The following CNTN5 variants were observed in gnomAD, a reference collection of about 807,000 sequenced individuals.
The protein encoded by CNTN5 is contactin 5, also known as contactin-5.
CNTN5 carries 77 observed loss-of-function variants against 129.1 expected under a neutral mutation model. The ratio of observed to expected loss-of-function variants is 0.60; its 90% CI spans 0.50 to 0.72. The LOEUF (loss-of-function observed/expected upper bound fraction) is 0.72. Among genes scored for constraint, CNTN5 ranks in the 30% least tolerant of loss-of-function variants. The pLI is 0.00. For missense variants in CNTN5, 1,478 were observed against 1,328.8 expected (o/e 1.11, Z -1.75); for synonymous variants, 509 against 465.6 (o/e 1.09, Z -1.20).
At chr11:99,442,922 G>A (rs1232938946) in intron 2 of CNTN5, among the ~76,000 whole-genome samples, 2 of 152,208 alleles carry the variant, frequency 1.3e-5, no homozygotes, top group East Asian at 3.8e-4. Flanking sequence ...GGATGGCACT[G>A]TGATTGGCCA....
intron 3 of CNTN5, among the ~76,000 whole-genome samples, chr11:99,816,363 A>G (rs1018869523): frequency 6.6e-5 from 10 of 152,142 alleles, no homozygotes; most frequent in Non-Finnish European, 1.0e-4. Context: ...AATCTCTCTG[A>G]CGAACCTGCG....
At chr11:99,989,791 A>G (rs904106779) in intron 8 of CNTN5, among the ~76,000 whole-genome samples, 2 of 152,132 alleles carry the variant, frequency 1.3e-5, no homozygotes, top group Admixed American at 6.5e-5. Context: ...GAGAGAACTG[A>G]GTCTCATTCC....
chr11:99,429,395 C>G (rs1943268260), intron 2 of CNTN5, among the ~76,000 whole-genome samples: 1 of 152,090 alleles, frequency 6.6e-6, no homozygotes, highest in Non-Finnish European at 1.5e-5. Flanking sequence ...TTAAACTTCA[C>G]TTTTCTTGAT....
intron 3 of CNTN5, among the ~76,000 whole-genome samples, chr11:99,636,819 T>C (rs1339779815): frequency 6.6e-6 from 1 of 150,970 alleles, no homozygotes; most frequent in Non-Finnish European, 1.5e-5. Context: ...ATCAGGACGA[T>C]CCTGGCCAAC....
At chr11:99,638,621 C>G (rs372741337) in intron 3 of CNTN5, among the ~76,000 whole-genome samples, 1 of 152,144 alleles carries the variant, frequency 6.6e-6, no homozygotes, top group East Asian at 1.9e-4. Context: ...CCATTCCCAA[C>G]GGGAGAAATC....
intron 18 of CNTN5, 65 bp downstream of exon 18, chr11:100,271,306 T>A: frequency 8.5e-7 from 1 of 1,172,972 alleles, no homozygotes. Context: ...GTGAGTTGAA[T>A]TAACCATGAT....
chr11:99,987,685 A>G (rs1234312490), intron 8 of CNTN5, among the ~76,000 whole-genome samples: 2 of 152,006 alleles, frequency 1.3e-5, no homozygotes, highest in African/African-American at 4.8e-5. Flanking sequence ...CAAAATTGGG[A>G]ATGGGTAAAT....
At chr11:99,264,691 T>TA (rs1212052344) in intron 1 of CNTN5, among the ~76,000 whole-genome samples, 3 of 152,080 alleles carry the variant, frequency 2.0e-5, no homozygotes, top group Non-Finnish European at 2.9e-5. Flanking sequence ...TTAGATCTGT[T>TA]AAAAATCCTC....
At chr11:99,164,874 A>C (rs1283966754) in intron 1 of CNTN5, among the ~76,000 whole-genome samples, 1 of 152,208 alleles carries the variant, frequency 6.6e-6, no homozygotes, top group Admixed American at 6.5e-5. Flanking sequence ...AGTTAACATA[A>C]GATGAGAAAG....
At chr11:100,119,371 C>G (rs547738401) in intron 13 of CNTN5, among the ~76,000 whole-genome samples, 1 of 151,898 alleles carries the variant, frequency 6.6e-6, no homozygotes. Flanking sequence ...TTGCTATGCT[C>G]TTGTTGCTAT....
intron 1 of CNTN5, among the ~76,000 whole-genome samples, chr11:99,312,469 C>T (rs1284456698): frequency 6.6e-6 from 1 of 152,104 alleles, no homozygotes; most frequent in African/African-American, 2.4e-5. Context: ...GCATGACCTG[C>T]AAGAAATACA....
chr11:100,053,331 T>C (rs1943055831), intron 9 of CNTN5, among the ~76,000 whole-genome samples: 1 of 151,686 alleles, frequency 6.6e-6, no homozygotes. Context: ...GAAGAAAATA[T>C]GTGCAATATA....
At chr11:99,405,171 G>A (rs892208453) in intron 2 of CNTN5, among the ~76,000 whole-genome samples, 3 of 152,020 alleles carry the variant, frequency 2.0e-5, no homozygotes, top group Admixed American at 6.6e-5. Context: ...TGACCTTTGG[G>A]ATTTTAATTA....
chr11:99,953,414 A>G (rs1430198706), intron 7 of CNTN5, among the ~76,000 whole-genome samples: 1 of 152,210 alleles, frequency 6.6e-6, no homozygotes, highest in Non-Finnish European at 1.5e-5. Context: ...AAATGTTCTC[A>G]CTACCAAAAT....
Position 99,864,445 on chromosome 11 carries a change from G to A in CNTN5, c.577+19183G>A, listed in dbSNP as rs147100449. Among the ~76,000 whole-genome samples the A allele has an allele frequency of 1.3e-4, 19 of 151,978 alleles. No homozygotes were observed. The East Asian group carries it at 3.1e-3, about 25-fold the overall frequency. ...TCTTAACCCTCTCCATATCTTATTT[G>A]TGCACCCTTTTTAGATGATGTTTTT... is the stretch of plus-strand genomic sequence containing the variant. On this transcript the variant is annotated intron_variant, in intron 6 of 24. Transcript: ENST00000524871.
At chr11:99,242,425 T>C (rs1326681893) in intron 1 of CNTN5, among the ~76,000 whole-genome samples, 1 of 152,120 alleles carries the variant, frequency 6.6e-6, no homozygotes, top group East Asian at 1.9e-4. Context: ...TCCCTGTTAG[T>C]AATTTATTGT....
Position 99,072,757 on chromosome 11 carries a change from C to T in CNTN5, c.-210+51487C>T, listed in dbSNP as rs116629165. Among the ~76,000 whole-genome samples the T allele has an allele frequency of 4.8e-3, 737 of 152,150 alleles. 7 individuals carry two copies. The highest frequency in any genetic ancestry group is 0.017 in the African/African-American group (700 of 41,516). On this transcript the variant is annotated intron_variant, in intron 1 of 24. Coordinates refer to ENST00000524871, the MANE Select transcript of CNTN5 (RefSeq NM_014361.4). ...GATATAGCATATACTCAGAAAAGTG[C>T]GCAAATCTTAAGTGTACCATTCAAT...
chr11:99,517,465 A>C (rs1947101594), intron 2 of CNTN5, among the ~76,000 whole-genome samples: 1 of 152,110 alleles, frequency 6.6e-6, no homozygotes, highest in Non-Finnish European at 1.5e-5. Flanking sequence ...CAAGCTCTAC[A>C]AGACTCTCCA....
intron 23 of CNTN5, 65 bp from the exon 24 acceptor site, chr11:100,350,634 ATAG>A: frequency 8.4e-7 from 1 of 1,192,088 alleles, no homozygotes; most frequent in Non-Finnish European, 1.2e-6. Flanking sequence ...AATGTGACAC[ATAG>A]TAGGCAGTCA....
Sources: allele counts gnomAD v4.1 joint callset (sites outside exome capture counted in the v4.1 genomes callset), GRCh38; gene constraint gnomAD v4.1.1; transcripts MANE v1.5; gene names NCBI Gene and HGNC (gene_info 2026-07-23, HGNC 2026-07-21).